The following DPP8 variants were observed in gnomAD, a reference collection of about 807,000 sequenced individuals.
The protein encoded by DPP8 is dipeptidyl peptidase 8, also known as DPP VIII.
A neutral mutation model predicts 107.5 loss-of-function variants in DPP8; 31 were observed. The observed-to-expected ratio is 0.29, with a 90% CI of 0.22 to 0.39. The LOEUF is 0.39. Ranked by LOEUF, DPP8 falls within the 10% of genes least tolerant of loss-of-function variation. The probability of loss-of-function intolerance (pLI) is 1.00; values close to 1 mark genes in which losing one functional copy is unlikely to be tolerated. For synonymous variants in DPP8, 381 were observed against 356.6 expected (o/e 1.07, Z -0.77); for missense variants, 842 against 1,076.1 (o/e 0.78, Z 3.04).
At chr15:65,451,257 T>G in intron 18 of DPP8, 147 bp from the exon 19 acceptor site, 2 of 592,290 alleles carry the variant, frequency 3.4e-6, no homozygotes, top group East Asian at 6.1e-5. Context: ...ATTAAATTTG[T>G]AACATATTAA....
intron 17 of DPP8, 45 bp from the exon 18 acceptor site, chr15:65,452,147 G>C: frequency 1.3e-6 from 2 of 1,575,314 alleles, no homozygotes; most frequent in Non-Finnish European, 1.7e-6. Flanking sequence ...TGGAAAAAGA[G>C]AGTGGCTAGC....
At chr15:65,506,314 T>A (rs2069981535) in intron 3 of DPP8, among the ~76,000 whole-genome samples, 1 of 151,650 alleles carries the variant, frequency 6.6e-6, no homozygotes, top group Admixed American at 6.6e-5. Flanking sequence ...GGGCAAGAAG[T>A]GCAAAACTCC....
In DPP8 at chr15:65,479,039, T is replaced by A; in HGVS notation, c.1297A>T (p.Ile433Phe). 1 of 1,563,368 alleles carries A rather than the reference T, an allele frequency of 6.4e-7. No homozygotes were observed. Among genetic ancestry groups the A allele is most frequent in the Non-Finnish European group, 8.6e-7 (1 of 1,158,340 alleles). The change falls in exon 11 of 20, where the codon ATC (isoleucine) becomes TTC (phenylalanine). Residue 433 changes from isoleucine to phenylalanine, a missense_variant and splice_region_variant. Ile to Phe is a conservative substitution (Grantham distance 21, BLOSUM62 0). This residue lies in a region of DPP8 where 663 missense variants were observed against 758.0 expected (regional missense o/e 0.87). Transcript: ENST00000300141. ...YEETTDIWIN[I>F]HDIFHVFPQS... Reference sequence around the variant, plus strand: ...GGAAAAACATGAAAGATGTCATGGATCTGTAAAATGAATAGCTAAATTTAC... The same window carrying A: ...GGAAAAACATGAAAGATGTCATGGAACTGTAAAATGAATAGCTAAATTTAC...
At chr15:65,492,768 A>T (rs535008785) in intron 5 of DPP8, among the ~76,000 whole-genome samples, 2 of 151,868 alleles carry the variant, frequency 1.3e-5, no homozygotes, top group African/African-American at 2.4e-5. Flanking sequence ...CTAATTTTTT[A>T]AAAAATTTTT....
intron 15 of DPP8, chr15:65,459,013 C>T (rs924500752): frequency 7.3e-5 from 11 of 150,860 alleles, no homozygotes; most frequent in African/African-American, 2.7e-4. Flanking sequence ...AAACTGAACA[C>T]CAGATTCTTT....
intron 7 of DPP8, 38 bp downstream of exon 7, chr15:65,487,652 G>A: frequency 1.9e-6 from 3 of 1,578,712 alleles, no homozygotes; most frequent in Non-Finnish European, 2.6e-6. Context: ...TTTGGAAAGA[G>A]GAAATGAGTG....
chr15:65,492,243 G>A (rs1310842934), intron 5 of DPP8, among the ~76,000 whole-genome samples: 12 of 152,054 alleles, frequency 7.9e-5, no homozygotes, highest in Admixed American at 7.9e-4. Context: ...TCGGGAGGCT[G>A]AGGTAGGAGA....
Position 65,498,021 on chromosome 15 carries a change from T to G in DPP8, c.558A>C (p.Leu186Phe). 6.3e-7 allele frequency: 1 copy of G among 1,595,320 alleles called. No homozygotes were observed. The change falls in exon 5 of 20, where the codon TTA (leucine) becomes TTC (phenylalanine). Residue 186 changes from leucine (L) to phenylalanine (F), a missense_variant. This residue lies in a region of DPP8 where 663 missense variants were observed against 758.0 expected (regional missense o/e 0.87). Coordinates refer to ENST00000300141, the MANE Select transcript of DPP8 (RefSeq NM_130434.5). ...AACTAGTTTCCACTAGATTGGGCCT[T>G]AAAGGTTGTTGCTAGAAAAGTAAAC... ...GGPQGFTQQP[L>F]RPNLVETSCP...
chr15:65,463,773 A>G lies in DPP8; in HGVS notation c.1959T>C (p.Tyr653=), dbSNP rs2065108928. Residue 653 remains tyrosine (Y), a synonymous_variant, in exon 15 of 20, where the codon TAT becomes TAC. Transcript: ENST00000300141. ...TAAATATGCCCACCTGAGGACCACCATATATGAACAGCACAGTAGGATATT... is the reference window on the plus strand; with the variant it reads ...TAAATATGCCCACCTGAGGACCACCGTATATGAACAGCACAGTAGGATATT... ...GKKYPTVLFI[Y]GGPQVQLVNN... The G allele has an allele frequency of 1.9e-6, 3 of 1,612,962 alleles. No homozygotes were observed. Among genetic ancestry groups the G allele is most frequent in the Non-Finnish European group, 2.5e-6 (3 of 1,179,052 alleles).
At chr15:65,475,581 C>G in intron 11 of DPP8, 1 of 1,177,814 alleles carries the variant, frequency 8.5e-7, no homozygotes, top group Non-Finnish European at 1.3e-6. Context: ...GCTTGACTCC[C>G]TGGCACTTCT....
intron 9 of DPP8, among the ~76,000 whole-genome samples, chr15:65,480,695 G>A (rs2066843813): frequency 1.3e-5 from 2 of 152,152 alleles, no homozygotes; most frequent in African/African-American, 4.8e-5. Context: ...CACTTTGGGA[G>A]GTCAAGGTGA....
chr15:65,460,549 T>C (rs1294349196), intron 15 of DPP8, among the ~76,000 whole-genome samples: 1 of 152,228 alleles, frequency 6.6e-6, no homozygotes, highest in Non-Finnish European at 1.5e-5. Flanking sequence ...TTGCCTATTA[T>C]AGGTACCTCA....
chr15:65,480,939 T>TA (rs2066873378), intron 9 of DPP8, among the ~76,000 whole-genome samples: 1 of 151,576 alleles, frequency 6.6e-6, no homozygotes. Context: ...CTACAAAAAA[T>TA]AAAAAAAATT....
chr15:65,492,169 C>T (rs2140916316), intron 5 of DPP8, among the ~76,000 whole-genome samples: 1 of 152,034 alleles, frequency 6.6e-6, no homozygotes, highest in South Asian at 2.1e-4. Flanking sequence ...TAGTGAAACC[C>T]CGCCTCTACA....
At position 65,481,588 on chromosome 15, in the gene DPP8, T is replaced by C; in HGVS notation, c.1045A>G (p.Ile349Val). Residue 349 changes from isoleucine to valine, a missense_variant, in exon 9 of 20, where the codon ATT becomes GTT. Physicochemically the swap from Ile to Val is conservative, Grantham distance 29. This residue lies in a region of DPP8 where 663 missense variants were observed against 758.0 expected (regional missense o/e 0.87). Transcript: ENST00000300141. ...RIIDVIDKEL[I>V]QPFEILFEGV... ...TCAAATAGAATCTCAAAAGGTTGAA[T>C]TAGTTCCTTATCTATGACATCTATG... The C allele has an allele frequency of 6.3e-7, 1 of 1,576,246 alleles. No individual in the cohort carries two copies. Among genetic ancestry groups the C allele is most frequent in the Non-Finnish European group, 8.6e-7 (1 of 1,159,250 alleles).
chr15:65,512,098 T>G lies in DPP8; in HGVS notation c.259+197A>C, dbSNP rs191651926. On this transcript the variant is annotated intron_variant, in intron 2 of 19. Coordinates refer to ENST00000300141, the MANE Select transcript of DPP8 (RefSeq NM_130434.5). ...TTGAAAAACGATCATGATCAATTAA[T>G]GACTTGTTACCTACAAGTAAAAATA... The G allele has an allele frequency of 2.2e-3, 1,564 of 716,394 alleles. 6 individuals are homozygous for G. Among genetic ancestry groups the G allele is most frequent in the Non-Finnish European group, 2.5e-3 (1,020 of 401,250 alleles). The allele number at this position is 716,394 out of a possible 1,614,324, so 44.4% of individuals were successfully genotyped here.
intron 18 of DPP8, among the ~76,000 whole-genome samples, 164 bp downstream of exon 18, chr15:65,451,796 C>T (rs892060726): frequency 2.6e-5 from 4 of 151,592 alleles, no homozygotes; most frequent in Non-Finnish European, 5.9e-5. Flanking sequence ...CATGGTGGCA[C>T]GTGCCTGTAA....
chr15:65,485,047 T>C, intron 8 of DPP8, 52 bp downstream of exon 8: 1 of 1,399,184 alleles, frequency 7.1e-7, no homozygotes. Context: ...CCTACTGGGC[T>C]GAATAGATTA....
chr15:65,454,210 T>C, intron 17 of DPP8, 53 bp downstream of exon 17: 1 of 1,332,220 alleles, frequency 7.5e-7, no homozygotes, highest in Middle Eastern at 1.9e-4. Flanking sequence ...ATCCTCCATT[T>C]ACAGAAAAAT....
Sources: gnomAD v4.1 joint callset for allele counts (sites outside exome capture counted in the v4.1 genomes callset) on GRCh38, gnomAD v4.1.1 for gene constraint, gnomAD v4.1.1 regional missense constraint, MANE v1.5 for transcripts, NCBI Gene and HGNC (gene_info 2026-07-23, HGNC 2026-07-21) for gene names.